Variants in NID1 observed in about 807,000 individuals in gnomAD.
NID1 encodes nidogen-1.
In NID1, 76 loss-of-function variants were observed where a neutral mutation model predicts 130.6. The observed-to-expected ratio is 0.58, with a 90% confidence interval of 0.48 to 0.70. NID1 has a LOEUF of 0.70. NID1 is among the 30% of genes least tolerant of loss of function. The pLI, the probability that NID1 is intolerant of heterozygous loss-of-function variation, is 0.00. For synonymous variants in NID1, 665 were observed against 675.1 expected (o/e 0.98, Z 0.23); for missense variants, 1,517 against 1,664.8 (o/e 0.91, Z 1.54).
chr1:236,040,203 G>T (rs3768087), intron 4 of NID1, among the ~76,000 whole-genome samples: 2 of 152,098 alleles, frequency 1.3e-5, no homozygotes, highest in Non-Finnish European at 1.5e-5. Context: ...ACATCTGGGG[G>T]AGATGACTCC....
intron 11 of NID1, among the ~76,000 whole-genome samples, chr1:236,012,260 A>G (rs1251411472): frequency 6.6e-6 from 1 of 152,178 alleles, no homozygotes; most frequent in African/African-American, 2.4e-5. Flanking sequence ...CAATGTTTTC[A>G]TGAAAAATGT....
intron 10 of NID1, among the ~76,000 whole-genome samples, chr1:236,015,647 C>CAAAAAAAAAAA (rs71559908): frequency 1.2e-5 from 1 of 80,076 alleles, no homozygotes; most frequent in Non-Finnish European, 2.4e-5. Flanking sequence ...AACCCTGTCT[C>CAAAAAAAAAAA]AAAAAAAAAA....
intron 10 of NID1, among the ~76,000 whole-genome samples, chr1:236,016,575 C>A (rs1658601308): frequency 6.6e-6 from 1 of 152,132 alleles, no homozygotes; most frequent in Non-Finnish European, 1.5e-5. Flanking sequence ...GCTGACCCAT[C>A]CTCATCATCA....
At chr1:236,012,546 T>C (rs1417822725) in intron 11 of NID1, among the ~76,000 whole-genome samples, 7 of 75,902 alleles carry the variant, frequency 9.2e-5, no homozygotes, top group Admixed American at 4.1e-4. Context: ...CAACAAGAGC[T>C]AAATGCCATC....
chr1:235,993,683 A>G lies in NID1; in HGVS notation c.2717T>C (p.Val906Ala), dbSNP rs1454208855. The change falls in exon 13 of 20, where the codon GTG (valine) becomes GCG (alanine). Residue 906 changes from valine to alanine, a missense_variant. Around this residue, in one of 3 missense-constraint regions of NID1, gnomAD observed 1,329 missense variants for 1,429.2 expected, o/e 0.93. Coordinates refer to ENST00000264187, the MANE Select transcript of NID1 (RefSeq NM_002508.3). ...CCCGGGCCTGGTCCTGGTGCCCTCC[A>G]CCTCGCGGCCGTCGCGATCCACGCA... ...CWCVDRDGRE[V>A]EGTRTRPGMT... is the part of the protein sequence containing the mutation. 2 of 1,582,604 alleles carry G rather than the reference A, an allele frequency of 1.3e-6. No individual in the cohort carries two copies. The highest frequency in any genetic ancestry group is 3.5e-5 in the Admixed American group (2 of 57,368).
intron 8 of NID1, 82 bp downstream of exon 8, chr1:236,025,814 T>G (rs1196332126): frequency 6.5e-7 from 1 of 1,536,198 alleles, no homozygotes; most frequent in Non-Finnish European, 8.8e-7. Context: ...AGACTGAGAG[T>G]AAGAGACCAA....
intron 14 of NID1, 70 bp from the exon 15 acceptor site, chr1:235,985,575 C>A: frequency 1.9e-6 from 3 of 1,547,018 alleles, no homozygotes; most frequent in East Asian, 4.5e-5. Context: ...TTTTTGCGTG[C>A]CTACAGGCAT....
Position 235,985,724 on chromosome 1 carries a change from TTGTGTGTGTG to T in NID1, c.2929-229_2929-220del, listed in dbSNP as rs759787113. ...TATGCACATCTATATGTATAGGAAT[TTGTGTGTGTG>T]TGTGTGTGTGTGTGTGTGTGTATAT... On this transcript the variant is annotated intron_variant, in intron 14 of 19. Coordinates refer to ENST00000264187, the MANE Select transcript of NID1 (RefSeq NM_002508.3). Among the ~76,000 whole-genome samples the T allele has an allele frequency of 7.5e-5, 11 of 147,590 alleles. No homozygotes were observed. In the South Asian group the frequency reaches 8.7e-4, roughly 12 times the overall value.
chr1:236,027,950 CAA>C (rs1658988140), intron 7 of NID1, among the ~76,000 whole-genome samples: 1 of 151,908 alleles, frequency 6.6e-6, no homozygotes, highest in Non-Finnish European at 1.5e-5. Context: ...TCTACATGAG[CAA>C]GACACCATCT....
At chr1:236,009,822 G>A (rs570178333) in intron 12 of NID1, among the ~76,000 whole-genome samples, 9 of 152,036 alleles carry the variant, frequency 5.9e-5, no homozygotes, top group Admixed American at 4.6e-4. Context: ...ATTCTTACAC[G>A]TTTCTAGTGA....
intron 5 of NID1, among the ~76,000 whole-genome samples, chr1:236,034,983 TCTTTCTTTCTTTC>T (rs1659209809): frequency 8.9e-6 from 1 of 111,964 alleles, no homozygotes. Flanking sequence ...CTTTTTTTTT[TCTTTCTTTCTTTC>T]TTTTTTTTTA....
intron 10 of NID1, among the ~76,000 whole-genome samples, chr1:236,014,824 C>A (rs1378799455): frequency 6.6e-6 from 1 of 152,210 alleles, no homozygotes; most frequent in Non-Finnish European, 1.5e-5. Flanking sequence ...AGGGCTATGT[C>A]CATTCAGAGG....
At chr1:235,985,195 A>T (rs1222434619) in intron 15 of NID1, among the ~76,000 whole-genome samples, 184 bp downstream of exon 15, 4 of 151,742 alleles carry the variant, frequency 2.6e-5, no homozygotes, top group Non-Finnish European at 5.9e-5. Context: ...TCTGTCTCAA[A>T]AAAAAAAAGA....
chr1:236,001,308 T>C (rs769740058), intron 12 of NID1, among the ~76,000 whole-genome samples: 2 of 152,048 alleles, frequency 1.3e-5, no homozygotes, highest in African/African-American at 2.4e-5. Context: ...GGTTTCATGA[T>C]GTTGGCCAGG....
At position 236,064,844 on chromosome 1, in the gene NID1, G is replaced by A. The variant is rs1272160124; in HGVS notation, c.225+11C>T. 1.2e-6 allele frequency: 2 copies of A among 1,606,720 alleles called. No homozygotes were observed. The highest frequency in any genetic ancestry group is 1.7e-6 in the Non-Finnish European group (2 of 1,177,042). On this transcript the variant is annotated intron_variant, in intron 1 of 19. Coordinates refer to ENST00000264187, the MANE Select transcript of NID1 (RefSeq NM_002508.3). ...TGCAGCCCCTCGCCCGCCCTCCCGG[G>A]GCTCACTCACGTAGACTGCGTCGAT...
Position 236,025,508 on chromosome 1 carries a change from C to T in NID1, c.1984+388G>A, listed in dbSNP as rs566422976. On this transcript the variant is annotated intron_variant, in intron 8 of 19. Coordinates refer to ENST00000264187, the MANE Select transcript of NID1 (RefSeq NM_002508.3). ...AACTCCTGACCTCAAGTGATCCACC[C>T]GCCTCAGCCTCCCAAAGTGCTGGGA... 1.1e-4 allele frequency among the ~76,000 whole-genome samples: 16 copies of T among 152,068 alleles called. No individual in the cohort carries two copies. In the East Asian group the frequency reaches 1.2e-3, roughly 11 times the overall value.
chr1:235,979,962 C>A lies in NID1; in HGVS notation c.3386-17G>T. ...GATTGGTGCCTGTGTGGAGTGGAAA[C>A]AATTCATTCATTGTTCACACAAGAA... On this transcript the variant is annotated splice_polypyrimidine_tract_variant and intron_variant, in intron 17 of 19. Transcript: ENST00000264187. The surrounding 1 kb of genome is among the most constrained non-coding windows in gnomAD (Gnocchi z 4.6). 2 of 1,612,928 alleles carry A rather than the reference C, an allele frequency of 1.2e-6. No individual in the cohort carries two copies. Among genetic ancestry groups the A allele is most frequent in the Non-Finnish European group, 1.7e-6 (2 of 1,179,312 alleles).
In NID1 at chr1:236,030,305, G is replaced by A. The variant is rs376682878; in HGVS notation, c.1538-555C>T. Among the ~76,000 whole-genome samples, 11 of 152,234 alleles carry A rather than the reference G, an allele frequency of 7.2e-5. No homozygotes were observed. In the East Asian group the frequency reaches 9.7e-4, roughly 13 times the overall value. On this transcript the variant is annotated intron_variant, in intron 6 of 19. Transcript: ENST00000264187. Reference sequence around the variant, plus strand: ...GAACTCCTCTTGGTCTGTGCAAGGCGGCAGCCCCAGACAGGCAGGAAAAAT... The same window carrying A: ...GAACTCCTCTTGGTCTGTGCAAGGCAGCAGCCCCAGACAGGCAGGAAAAAT...
chr1:236,029,862 G>T lies in NID1; in HGVS notation c.1538-112C>A. The T allele has an allele frequency of 4.2e-6, 4 of 963,684 alleles. No individual in the cohort carries two copies. In the Admixed American group the frequency reaches 8.2e-5, roughly 20 times the overall value. The allele number at this position is 963,684 out of a possible 1,614,324, so 59.7% of individuals were successfully genotyped here. A position where few individuals can be genotyped will look rare whatever the true frequency, so the allele number is the denominator to read the frequency against. On this transcript the variant is annotated intron_variant, in intron 6 of 19. Coordinates refer to ENST00000264187, the MANE Select transcript of NID1 (RefSeq NM_002508.3). ...GTGCGAACGCTTCTGCAGGTGCTTTGGTTTGGCTGTAGAACATAGAACTGG... is the reference window on the plus strand; with the variant it reads ...GTGCGAACGCTTCTGCAGGTGCTTTTGTTTGGCTGTAGAACATAGAACTGG...
Sources: gnomAD v4.1 joint callset for allele counts (sites outside exome capture counted in the v4.1 genomes callset) on GRCh38, gnomAD v4.1.1 for gene constraint, gnomAD v4.1.1 regional missense constraint, Gnocchi (gnomAD v3.1) non-coding constraint, MANE v1.5 for transcripts, NCBI Gene and HGNC (gene_info 2026-07-23, HGNC 2026-07-21) for gene names.